CYTH1: variants seen among roughly 807,000 people sequenced by gnomAD.
The protein encoded by CYTH1 is cytohesin 1, also known as cytohesin-1.
Under a neutral mutation model 61.8 loss-of-function variants are expected in CYTH1, and 18 were observed. The ratio of observed to expected loss-of-function variants is 0.29; its 90% CI spans 0.20 to 0.43. CYTH1 has a LOEUF of 0.43. Among genes scored for constraint, CYTH1 ranks in the 20% least tolerant of loss-of-function variants. The pLI is 1.00. For missense variants in CYTH1, 336 were observed against 510.5 expected, an observed-to-expected ratio of 0.66 and a Z score of 3.29; for synonymous variants, 174 against 184.3, an observed-to-expected ratio of 0.94 and a Z score of 0.45.
chr17:78,777,908 G>A (rs1424920645), intron 1 of CYTH1, among the ~76,000 whole-genome samples: 5 of 151,820 alleles, frequency 3.3e-5, no homozygotes, highest in East Asian at 1.9e-4. Flanking sequence ...ACCAACTTAC[G>A]CAGCAGGGAC....
chr17:78,747,145 CAAAAAAAAAAA>C (rs56201341), intron 1 of CYTH1, among the ~76,000 whole-genome samples: 25 of 57,840 alleles, frequency 4.3e-4, no homozygotes, highest in African/African-American at 1.7e-3. Flanking sequence ...ATGGCAGCGC[CAAAAAAAAAAA>C]AAAAAAAAAA....
chr17:78,682,125 A>G (rs947910903), intron 11 of CYTH1, among the ~76,000 whole-genome samples: 1 of 152,116 alleles, frequency 6.6e-6, no homozygotes, highest in African/African-American at 2.4e-5. Context: ...AGGTAGGGCT[A>G]TACACAGTGT....
intron 1 of CYTH1, among the ~76,000 whole-genome samples, chr17:78,764,338 G>A (rs973689745): frequency 5.3e-5 from 8 of 150,924 alleles, no homozygotes; most frequent in East Asian, 2.0e-4. Flanking sequence ...CTGGGACTAC[G>A]GGCGCACCCC....
chr17:78,674,988 C>A lies in CYTH1; in HGVS notation c.*1103G>T, dbSNP rs1449939981. On this transcript the variant is annotated 3_prime_UTR_variant, in exon 14 of 14. Coordinates refer to ENST00000446868, the MANE Select transcript of CYTH1 (RefSeq NM_004762.6). Reference sequence around the variant, plus strand: ...CCCATCTTCCCCTCTAGGGGGCCCACCACAAAATGCATCCAGAGTAGTCCA... The same window carrying A: ...CCCATCTTCCCCTCTAGGGGGCCCAACACAAAATGCATCCAGAGTAGTCCA... 2 of 152,370 alleles carry A rather than the reference C, an allele frequency of 1.3e-5. No homozygotes were observed. Among genetic ancestry groups the A allele is most frequent in the Non-Finnish European group, 2.9e-5 (2 of 68,158 alleles). The allele number at this position is 152,370 out of a possible 1,614,324, so 9.4% of individuals were successfully genotyped here. A position where few individuals can be genotyped will look rare whatever the true frequency, so the allele number is the denominator to read the frequency against.
intron 1 of CYTH1, among the ~76,000 whole-genome samples, chr17:78,747,595 A>G (rs1240481877): frequency 2.0e-5 from 3 of 152,196 alleles, no homozygotes; most frequent in Non-Finnish European, 4.4e-5. Flanking sequence ...CGCATCCCCA[A>G]ACCCCTGACA....
At chr17:78,758,953 G>A (rs527910281) in intron 1 of CYTH1, among the ~76,000 whole-genome samples, 1 of 152,004 alleles carries the variant, frequency 6.6e-6, no homozygotes, top group Non-Finnish European at 1.5e-5. Context: ...TCTACTTTCG[G>A]CATCCACGGA....
chr17:78,718,896 T>C (rs2093205182), intron 1 of CYTH1, among the ~76,000 whole-genome samples: 1 of 152,258 alleles, frequency 6.6e-6, no homozygotes, highest in African/African-American at 2.4e-5. Context: ...CTTTTGCTTC[T>C]TTCTAACAAT....
rs530160862 is a variant in CYTH1, at chr17:78,755,596, CA to C, written c.22+26605del. Among the ~76,000 whole-genome samples, 62 of 151,660 alleles carry C rather than the reference CA, an allele frequency of 4.1e-4. No homozygotes were observed. The East Asian group carries it at 0.012, about 29-fold the overall frequency. The stretch of plus-strand genomic sequence containing the variant: ...GGAAATACAAACTCATCTGTAGTCA[CA>C]AAAACCAGATCAGTGGTTGCCTGGG... On this transcript the variant is annotated intron_variant, in intron 1 of 13. Coordinates refer to ENST00000446868, the MANE Select transcript of CYTH1 (RefSeq NM_004762.6).
chr17:78,746,115 G>T (rs910031078), intron 1 of CYTH1, among the ~76,000 whole-genome samples: 2 of 151,984 alleles, frequency 1.3e-5, no homozygotes, highest in Non-Finnish European at 2.9e-5. Context: ...GCAGACATAG[G>T]CAAAAAACTA....
At chr17:78,747,059 A>G (rs1387643253) in intron 1 of CYTH1, among the ~76,000 whole-genome samples, 2 of 150,006 alleles carry the variant, frequency 1.3e-5, no homozygotes, top group Non-Finnish European at 1.5e-5. Context: ...GTTAGCCAAG[A>G]GCTAGACCTA....
chr17:78,712,096 A>AGAAGGAAG (rs532289129), intron 1 of CYTH1, among the ~76,000 whole-genome samples: 1 of 128,436 alleles, frequency 7.8e-6, no homozygotes. Flanking sequence ...AAAGAAGGAA[A>AGAAGGAAG]GAAGGAAGGA....
At chr17:78,744,840 G>T (rs1362719284) in intron 1 of CYTH1, among the ~76,000 whole-genome samples, 1 of 116,362 alleles carries the variant, frequency 8.6e-6, no homozygotes, top group Non-Finnish European at 1.8e-5. Context: ...AAACCGATTA[G>T]ATGTCAAAAA....
chr17:78,743,377 C>A (rs932193566), intron 1 of CYTH1, among the ~76,000 whole-genome samples: 1 of 152,194 alleles, frequency 6.6e-6, no homozygotes, highest in African/African-American at 2.4e-5. Flanking sequence ...CAGCTTCGCT[C>A]CCGTGTCATG....
At chr17:78,741,218 A>G (rs1474726805) in intron 1 of CYTH1, among the ~76,000 whole-genome samples, 1 of 152,194 alleles carries the variant, frequency 6.6e-6, no homozygotes, top group East Asian at 1.9e-4. Flanking sequence ...GTGGGAATAC[A>G]CAAGCATGTA....
Position 78,708,265 on chromosome 17 carries a change from T to C in CYTH1, c.106-4A>G, listed in dbSNP as rs778058294. Reference sequence around the variant, plus strand: ...CTGCTATCTCATCCTTCAGCCTCTATAAAACAGACAGTCCAGAGTCAGCAG... The same window carrying C: ...CTGCTATCTCATCCTTCAGCCTCTACAAAACAGACAGTCCAGAGTCAGCAG... On this transcript the variant is annotated splice_polypyrimidine_tract_variant and splice_region_variant and intron_variant, in intron 2 of 13. Coordinates refer to ENST00000446868, the MANE Select transcript of CYTH1 (RefSeq NM_004762.6). The C allele has an allele frequency of 1.9e-6, 3 of 1,611,530 alleles. No individual in the cohort carries two copies. The highest frequency in any genetic ancestry group is 1.3e-5 in the African/African-American group (1 of 74,588).
At chr17:78,776,798 A>C (rs1276406112) in intron 1 of CYTH1, among the ~76,000 whole-genome samples, 2 of 151,500 alleles carry the variant, frequency 1.3e-5, no homozygotes, top group Non-Finnish European at 2.9e-5. Flanking sequence ...GTGGGACTCC[A>C]CAGTGCCATA....
In CYTH1 at chr17:78,772,656, G is replaced by C. The variant is rs1440859482; in HGVS notation, c.22+9546C>G. On this transcript the variant is annotated intron_variant, in intron 1 of 13. Coordinates refer to ENST00000446868, the MANE Select transcript of CYTH1 (RefSeq NM_004762.6). ...AGGTTCAAGCAATTCTCCTGCCTTA[G>C]CCTCCTGAATAGCTGAGACTACAGG... 2.0e-5 allele frequency among the ~76,000 whole-genome samples: 3 copies of C among 151,916 alleles called. No homozygotes were observed. In the South Asian group the frequency reaches 6.2e-4, roughly 31 times the overall value.
intron 6 of CYTH1, among the ~76,000 whole-genome samples, chr17:78,701,165 C>T (rs1381789687): frequency 1.3e-5 from 2 of 151,416 alleles, no homozygotes; most frequent in African/African-American, 4.9e-5. Flanking sequence ...GAAAGACCCA[C>T]AGCTGACAGG....
rs749319505 is a variant in CYTH1, at chr17:78,701,666, C to T, written c.437+5G>A. The T allele has an allele frequency of 6.2e-7, 1 of 1,614,008 alleles. No homozygotes were observed. Among genetic ancestry groups the T allele is most frequent in the African/African-American group, 1.3e-5 (1 of 74,912 alleles). ...TCCAAAGGGGCTCACCTCAAGAATA[C>T]TCACCGTAGTGCCTGGACGAGATTA... is the stretch of plus-strand genomic sequence containing the variant. On this transcript the variant is annotated splice_donor_5th_base_variant and intron_variant, in intron 6 of 13. Coordinates refer to ENST00000446868, the MANE Select transcript of CYTH1 (RefSeq NM_004762.6).
Sources: allele counts gnomAD v4.1 joint callset (sites outside exome capture counted in the v4.1 genomes callset), GRCh38; gene constraint gnomAD v4.1.1; transcripts MANE v1.5; gene names NCBI Gene and HGNC (gene_info 2026-07-23, HGNC 2026-07-21).